ZFHX3: variants seen among roughly 807,000 people sequenced by gnomAD.
The protein encoded by ZFHX3 is zinc finger homeobox protein 3.
A neutral mutation model predicts 279.1 loss-of-function variants in ZFHX3; 42 were observed. The observed-to-expected ratio is 0.15, with a 90% CI of 0.12 to 0.19. The LOEUF is 0.19. Ranked by LOEUF, ZFHX3 falls within the 10% of genes least tolerant of loss-of-function variation. The probability of loss-of-function intolerance (pLI) is 1.00; values close to 1 mark genes in which losing one functional copy is unlikely to be tolerated. For synonymous variants in ZFHX3, 2,293 were observed against 1,957.8 expected (o/e 1.17, Z -4.52); for missense variants, 4,981 against 4,754.0 (o/e 1.05, Z -1.40).
Position 73,770,395 on chromosome 16 carries a change from C to T in ZFHX3, c.-1607-90155G>A, listed in dbSNP as rs1320231198. 2.0e-5 allele frequency among the ~76,000 whole-genome samples: 3 copies of T among 152,336 alleles called. No homozygotes were observed. The East Asian group carries it at 5.8e-4, about 29-fold the overall frequency. The stretch of plus-strand genomic sequence containing the variant: ...TTCACCCACGAAGACCCATTTTGAA[C>T]TTCTAAAGTCCAGAACTATATAAAA... On this transcript the variant is annotated intron_variant, in intron 1 of 17. Transcript: ENST00000641206.
intron 4 of ZFHX3, among the ~76,000 whole-genome samples, chr16:73,291,773 A>G (rs751537801): frequency 3.9e-5 from 6 of 152,154 alleles, no homozygotes; most frequent in Admixed American, 6.5e-5. Flanking sequence ...GGCTTTTGAG[A>G]AGATGCTTTT....
intron 1 of ZFHX3, among the ~76,000 whole-genome samples, chr16:73,708,105 T>C (rs376503723): frequency 3.4e-4 from 51 of 152,220 alleles, no homozygotes; most frequent in African/African-American, 9.4e-4. Flanking sequence ...TTACAATTAT[T>C]GGAAGAATTC....
intron 4 of ZFHX3, among the ~76,000 whole-genome samples, chr16:72,835,393 A>G (rs1477114853): frequency 6.6e-6 from 1 of 152,160 alleles, no homozygotes; most frequent in African/African-American, 2.4e-5. Context: ...TTGATTTTTC[A>G]TTCGGCATTA....
chr16:73,100,546 A>C (rs1966217986), intron 7 of ZFHX3, among the ~76,000 whole-genome samples: 1 of 151,582 alleles, frequency 6.6e-6, no homozygotes, highest in Admixed American at 6.6e-5. Context: ...TCTGATTTCC[A>C]GGTTAGAATT....
intron 3 of ZFHX3, among the ~76,000 whole-genome samples, chr16:72,949,545 G>A (rs76794192): frequency 0.024 from 3,629 of 152,140 alleles, 86 homozygotes; most frequent in South Asian, 0.063. Context: ...TACAGTATCC[G>A]GAGCACCTCC....
At chr16:73,334,699 T>A (rs754416834) in intron 3 of ZFHX3, among the ~76,000 whole-genome samples, 1 of 151,718 alleles carries the variant, frequency 6.6e-6, no homozygotes, top group Non-Finnish European at 1.5e-5. Context: ...TCGGGGCAAG[T>A]GGAAGCGTTT....
At chr16:73,013,269 T>C (rs1255012102) in intron 1 of ZFHX3, among the ~76,000 whole-genome samples, 1 of 152,184 alleles carries the variant, frequency 6.6e-6, no homozygotes. Flanking sequence ...CAGGGACCCA[T>C]GTGAAAACTC....
intron 8 of ZFHX3, among the ~76,000 whole-genome samples, chr16:73,064,818 C>T (rs1484284751): frequency 6.6e-6 from 1 of 152,244 alleles, no homozygotes; most frequent in Non-Finnish European, 1.5e-5. Context: ...TGAAATCCAA[C>T]CTTGGGGCAG....
At chr16:72,908,359 G>A (rs74737973) in intron 3 of ZFHX3, among the ~76,000 whole-genome samples, 1,526 of 152,340 alleles carry the variant, frequency 0.01, 45 homozygotes, top group East Asian at 0.038. Context: ...AGGCTTGAGT[G>A]AGAAAATCAG....
intron 7 of ZFHX3, among the ~76,000 whole-genome samples, chr16:73,129,103 GGGCCTGGTGC>G (rs1364879938): frequency 2.0e-5 from 3 of 152,084 alleles, no homozygotes; most frequent in Non-Finnish European, 2.9e-5. Flanking sequence ...GAGTTGAAGT[GGGCCTGGTGC>G]GGAGGGGCAC....
chr16:73,762,349 C>T (rs1186588165), intron 1 of ZFHX3, among the ~76,000 whole-genome samples: 1 of 151,610 alleles, frequency 6.6e-6, no homozygotes, highest in East Asian at 1.9e-4. Flanking sequence ...GCTGAAGAGG[C>T]TGTGGAGGAA....
chr16:72,953,201 C>G (rs1961079745), intron 2 of ZFHX3, among the ~76,000 whole-genome samples: 1 of 151,834 alleles, frequency 6.6e-6, no homozygotes, highest in Non-Finnish European at 1.5e-5. Flanking sequence ...GCTTAGGAAG[C>G]TTTCGGCTTG....
At chr16:73,477,086 G>A (rs2018778096) in intron 2 of ZFHX3, among the ~76,000 whole-genome samples, 1 of 152,160 alleles carries the variant, frequency 6.6e-6, no homozygotes, top group Non-Finnish European at 1.5e-5. Context: ...TAGAAATTTA[G>A]CAAAGAAACA....
At chr16:73,432,581 T>A (rs1336588108) in intron 3 of ZFHX3, among the ~76,000 whole-genome samples, 2 of 152,180 alleles carry the variant, frequency 1.3e-5, no homozygotes, top group Non-Finnish European at 2.9e-5. Context: ...AGAGAATGTT[T>A]CCCATATGCA....
At chr16:73,622,672 C>G (rs900410108) in intron 2 of ZFHX3, among the ~76,000 whole-genome samples, 1 of 152,132 alleles carries the variant, frequency 6.6e-6, no homozygotes, top group East Asian at 1.9e-4. Flanking sequence ...ACACTTAGGT[C>G]CCTCTCTTCT....
At chr16:73,043,516 G>A (rs1202877130) in intron 1 of ZFHX3, among the ~76,000 whole-genome samples, 3 of 152,180 alleles carry the variant, frequency 2.0e-5, no homozygotes, top group South Asian at 2.1e-4. Context: ...AGGCAGAAAC[G>A]TCAAAGAAAG....
intron 1 of ZFHX3, among the ~76,000 whole-genome samples, chr16:73,842,598 G>A (rs1011731774): frequency 1.3e-5 from 2 of 152,110 alleles, no homozygotes; most frequent in African/African-American, 4.8e-5. Context: ...CCATAAGTAT[G>A]TGTGCATGTG....
intron 1 of ZFHX3, among the ~76,000 whole-genome samples, chr16:73,837,750 C>T (rs369142657): frequency 3.9e-5 from 6 of 152,308 alleles, no homozygotes; most frequent in African/African-American, 1.4e-4. Flanking sequence ...GATTCTCCTG[C>T]CTCAGCCTGA....
intron 4 of ZFHX3, among the ~76,000 whole-genome samples, chr16:73,265,914 C>G (rs777993152): frequency 1.3e-5 from 2 of 152,200 alleles, no homozygotes; most frequent in Non-Finnish European, 2.9e-5. Context: ...AAAATGTAAA[C>G]AGCTACCAGG....
Sources: gnomAD v4.1 joint callset for allele counts (sites outside exome capture counted in the v4.1 genomes callset) on GRCh38, gnomAD v4.1.1 for gene constraint, MANE v1.5 for transcripts, NCBI Gene and HGNC (gene_info 2026-07-23, HGNC 2026-07-21) for gene names.